Variants in MTUS2 observed in about 807,000 individuals in gnomAD.
The protein encoded by MTUS2 is microtubule-associated tumor suppressor candidate 2.
MTUS2 carries 40 observed loss-of-function variants against 114.1 expected under a neutral mutation model. The ratio of observed to expected loss-of-function variants is 0.35; its 90% CI spans 0.27 to 0.46. The LOEUF is 0.46. Ranked by LOEUF, MTUS2 falls within the 20% of genes least tolerant of loss-of-function variation. The pLI is 1.00. For missense variants in MTUS2, 1,679 were observed against 1,705.4 expected (o/e 0.98, Z 0.27); for synonymous variants, 688 against 672.0 (o/e 1.02, Z -0.37).
intron 3 of MTUS2, among the ~76,000 whole-genome samples, chr13:29,027,302 G>GGA (rs1027222387): frequency 1.3e-5 from 2 of 152,188 alleles, no homozygotes; most frequent in African/African-American, 4.8e-5. Context: ...TCCTCAATGG[G>GGA]GAGTATTTTC....
At chr13:29,037,410 G>C (rs2479760) in intron 4 of MTUS2, among the ~76,000 whole-genome samples, 145,491 of 152,238 alleles carry the variant, frequency 0.96, 69,628 homozygotes, top group South Asian at 0.98. Flanking sequence ...CCCTTTGTGG[G>C]TAACCCAACC....
rs990480510 is a variant in MTUS2 at position 29,056,483 on chromosome 13, T to C, written c.2446+22358T>C. Among the ~76,000 whole-genome samples, 7 of 152,056 alleles carry C rather than the reference T, an allele frequency of 4.6e-5. 1 individual carries two copies. ...GCATTTGGTCCTGGGTCTTTTTCGG[T>C]TGGTAAGCTTTTTATTACTGATTTG... On this transcript the variant is annotated intron_variant, in intron 4 of 15. Transcript: ENST00000612955.
chr13:29,180,339 A>G (rs932872), intron 5 of MTUS2, among the ~76,000 whole-genome samples: 112,448 of 152,138 alleles, frequency 0.74, 41,663 homozygotes, highest in East Asian at 0.8. Context: ...TATACACAAT[A>G]TTAATTTCAA....
intron 2 of MTUS2, among the ~76,000 whole-genome samples, chr13:28,945,496 TA>T (rs1242220482): frequency 1.3e-5 from 2 of 152,186 alleles, no homozygotes; most frequent in African/African-American, 4.8e-5. Flanking sequence ...AACATCTTGT[TA>T]TTTTTTGACA....
intron 5 of MTUS2, among the ~76,000 whole-genome samples, chr13:29,154,384 A>G (rs1227844508): frequency 6.6e-6 from 1 of 152,224 alleles, no homozygotes; most frequent in African/African-American, 2.4e-5. Context: ...TTATTGCAGA[A>G]GTTCATTGTC....
intron 2 of MTUS2, among the ~76,000 whole-genome samples, chr13:28,842,651 G>T (rs1312214256): frequency 1.3e-5 from 2 of 152,136 alleles, no homozygotes; most frequent in Non-Finnish European, 2.9e-5. Context: ...TTAAAGAAGA[G>T]ATCCTTTATG....
intron 9 of MTUS2, among the ~76,000 whole-genome samples, chr13:29,458,856 A>G (rs1300744412): frequency 6.6e-6 from 1 of 152,254 alleles, no homozygotes; most frequent in Non-Finnish European, 1.5e-5. Context: ...AATGATATAG[A>G]GGGATATTTT....
chr13:29,073,572 CT>C (rs1889043936), intron 4 of MTUS2, among the ~76,000 whole-genome samples: 1 of 151,954 alleles, frequency 6.6e-6, no homozygotes, highest in African/African-American at 2.4e-5. Flanking sequence ...TACCCTTTAC[CT>C]TTTGCTACAT....
chr13:28,832,539 G>A (rs1252635202), intron 1 of MTUS2, among the ~76,000 whole-genome samples: 1 of 150,726 alleles, frequency 6.6e-6, no homozygotes, highest in Non-Finnish European at 1.5e-5. Flanking sequence ...ATGACTGTAT[G>A]AACAAAAGAA....
chr13:29,396,604 T>C (rs1381314505), intron 8 of MTUS2, among the ~76,000 whole-genome samples: 1 of 152,252 alleles, frequency 6.6e-6, no homozygotes, highest in Non-Finnish European at 1.5e-5. Flanking sequence ...CACTGCATTC[T>C]TGTCATATAG....
At chr13:29,440,513 G>A (rs1877757261) in intron 9 of MTUS2, among the ~76,000 whole-genome samples, 1 of 152,188 alleles carries the variant, frequency 6.6e-6, no homozygotes. Flanking sequence ...ATATTTGGCT[G>A]ATGAAACGGT....
intron 2 of MTUS2, among the ~76,000 whole-genome samples, chr13:28,999,402 T>G (rs930307296): frequency 2.0e-5 from 3 of 152,192 alleles, no homozygotes; most frequent in Non-Finnish European, 4.4e-5. Context: ...GGAGAACCAC[T>G]ACTCTCTTCA....
intron 4 of MTUS2, among the ~76,000 whole-genome samples, chr13:29,095,019 A>ATGTATGAAT (rs1890119016): frequency 6.6e-6 from 1 of 152,108 alleles, no homozygotes; most frequent in Non-Finnish European, 1.5e-5. Context: ...TTATGACCAC[A>ATGTATGAAT]GAACATACTT....
At chr13:29,264,421 C>A (rs1315530646) in intron 5 of MTUS2, among the ~76,000 whole-genome samples, 1 of 152,210 alleles carries the variant, frequency 6.6e-6, no homozygotes, top group Non-Finnish European at 1.5e-5. Flanking sequence ...GGATGGCGGC[C>A]CCCTTCCCAT....
At chr13:28,977,919 G>A (rs2138281528) in intron 2 of MTUS2, among the ~76,000 whole-genome samples, 1 of 152,118 alleles carries the variant, frequency 6.6e-6, no homozygotes, top group Non-Finnish European at 1.5e-5. Context: ...CACACTTTTT[G>A]CCAGCTGTAA....
intron 5 of MTUS2, among the ~76,000 whole-genome samples, chr13:29,279,123 A>T (rs919783557): frequency 6.6e-6 from 1 of 152,190 alleles, no homozygotes; most frequent in Non-Finnish European, 1.5e-5. Context: ...TAGCTCCTTT[A>T]ATTCTCACAA....
At chr13:29,282,217 G>T (rs1045263486) in intron 6 of MTUS2, among the ~76,000 whole-genome samples, 1 of 152,268 alleles carries the variant, frequency 6.6e-6, no homozygotes, top group African/African-American at 2.4e-5. Flanking sequence ...TGCGCCTCCA[G>T]GAATGAGCCC....
At chr13:29,228,136 C>T (rs35858036) in intron 5 of MTUS2, among the ~76,000 whole-genome samples, 7,960 of 152,192 alleles carry the variant, frequency 0.052, 270 homozygotes, top group Non-Finnish European at 0.073. Context: ...TTTATGACCA[C>T]ATGTCATGGC....
chr13:29,069,334 G>A (rs1264140290), intron 4 of MTUS2, among the ~76,000 whole-genome samples: 1 of 152,144 alleles, frequency 6.6e-6, no homozygotes, highest in Non-Finnish European at 1.5e-5. Flanking sequence ...CTGAGAACCA[G>A]GAACATCAAA....
Sources: allele counts gnomAD v4.1 joint callset (sites outside exome capture counted in the v4.1 genomes callset), GRCh38; gene constraint gnomAD v4.1.1; transcripts MANE v1.5; gene names NCBI Gene and HGNC (gene_info 2026-07-23, HGNC 2026-07-21).